ZCCHC24: variants seen among roughly 807,000 people sequenced by gnomAD.
ZCCHC24 encodes the protein zinc finger CCHC domain-containing protein 24.
A neutral mutation model predicts 26.2 loss-of-function variants in ZCCHC24; 10 were observed. That is an observed-to-expected ratio of 0.38 (90% confidence interval 0.24 to 0.65). The LOEUF (loss-of-function observed/expected upper bound fraction) is 0.65. Ranked by LOEUF, ZCCHC24 falls within the 30% of genes least tolerant of loss-of-function variation. The probability of loss-of-function intolerance (pLI) is 0.54; values close to 1 mark genes in which losing one functional copy is unlikely to be tolerated. For missense variants in ZCCHC24, 243 were observed against 329.1 expected, an observed-to-expected ratio of 0.74 and a Z score of 2.03; for synonymous variants, 144 against 147.1, an observed-to-expected ratio of 0.98 and a Z score of 0.15.
chr10:79,422,824 G>A (rs1021603931), intron 2 of ZCCHC24, among the ~76,000 whole-genome samples: 7 of 152,176 alleles, frequency 4.6e-5, no homozygotes, highest in African/African-American at 1.7e-4. Context: ...CTCCCTCAAA[G>A]GAGTAATGAG....
chr10:79,419,949 G>T (rs1032143604), intron 2 of ZCCHC24, among the ~76,000 whole-genome samples: 4 of 152,152 alleles, frequency 2.6e-5, no homozygotes, highest in African/African-American at 9.6e-5. Flanking sequence ...AGCAGAACTG[G>T]CAGCTGAGGA....
chr10:79,411,257 A>G (rs1043180357), intron 2 of ZCCHC24, among the ~76,000 whole-genome samples: 1 of 152,210 alleles, frequency 6.6e-6, no homozygotes. Context: ...TGGTAAAAAG[A>G]GGCCTTGACC....
intron 2 of ZCCHC24, among the ~76,000 whole-genome samples, chr10:79,403,058 C>T (rs1375330938): frequency 6.6e-6 from 1 of 152,244 alleles, no homozygotes; most frequent in Non-Finnish European, 1.5e-5. Context: ...CCAAAGAAGT[C>T]AGCCCTGTGA....
chr10:79,430,686 C>CACACACACACACACACA (rs370025190), intron 2 of ZCCHC24, among the ~76,000 whole-genome samples: 18 of 140,700 alleles, frequency 1.3e-4, no homozygotes, highest in African/African-American at 3.7e-4. Flanking sequence ...CACACACACA[C>CACACACACACACACACA]CACACACACA....
At chr10:79,429,410 C>T (rs1857095244) in intron 2 of ZCCHC24, among the ~76,000 whole-genome samples, 1 of 151,976 alleles carries the variant, frequency 6.6e-6, no homozygotes, top group Admixed American at 6.6e-5. Context: ...GGTGAAACCC[C>T]ATCTGTATTA....
chr10:79,427,406 A>G (rs777946707), intron 2 of ZCCHC24, among the ~76,000 whole-genome samples: 1 of 152,240 alleles, frequency 6.6e-6, no homozygotes, highest in Non-Finnish European at 1.5e-5. Flanking sequence ...AAGTGCACAC[A>G]AAACATTCTC....
chr10:79,445,582 C>G lies in ZCCHC24; in HGVS notation c.-142G>C. 1.4e-6 allele frequency: 1 copy of G among 722,584 alleles called. No individual in the cohort carries two copies. The allele number at this position is 722,584 out of a possible 1,614,324, so 44.8% of individuals were successfully genotyped here. A position where few individuals can be genotyped will look rare whatever the true frequency, so the allele number is the denominator to read the frequency against. On this transcript the variant is annotated 5_prime_UTR_variant, in exon 1 of 4. Transcript: ENST00000372336. ...ATCGCCCCGCGCCCTGCGCCCCGCGCGCTGCCCGCAGCCGCTGCCGCTGCC... is the reference window on the plus strand; with the variant it reads ...ATCGCCCCGCGCCCTGCGCCCCGCGGGCTGCCCGCAGCCGCTGCCGCTGCC...
At chr10:79,414,961 A>T (rs922370488) in intron 2 of ZCCHC24, among the ~76,000 whole-genome samples, 1 of 152,164 alleles carries the variant, frequency 6.6e-6, no homozygotes, top group Non-Finnish European at 1.5e-5. Context: ...CTCTTCATCA[A>T]TGTCAGGCCT....
intron 2 of ZCCHC24, among the ~76,000 whole-genome samples, chr10:79,423,776 G>A (rs1378863753): frequency 5.3e-5 from 8 of 150,354 alleles, no homozygotes; most frequent in Admixed American, 5.3e-4. Context: ...CCAGCATTTT[G>A]GGAGGCCAAG....
intron 2 of ZCCHC24, among the ~76,000 whole-genome samples, chr10:79,415,561 G>A (rs1431460064): frequency 6.6e-6 from 1 of 152,126 alleles, no homozygotes; most frequent in Non-Finnish European, 1.5e-5. Context: ...AGAATATCTG[G>A]TACAAATGCC....
intron 1 of ZCCHC24, among the ~76,000 whole-genome samples, chr10:79,437,351 C>G (rs1457351225): frequency 6.6e-6 from 1 of 152,202 alleles, no homozygotes; most frequent in Non-Finnish European, 1.5e-5. Flanking sequence ...CCGTGCTCGG[C>G]CTGTGGTTTA....
chr10:79,402,070 C>T (rs183985365), intron 2 of ZCCHC24, among the ~76,000 whole-genome samples: 49 of 152,326 alleles, frequency 3.2e-4, no homozygotes, highest in Middle Eastern at 3.4e-3. Context: ...CACGGACTCA[C>T]GACCCCAGCC....
At position 79,407,258 on chromosome 10, in the gene ZCCHC24, C is replaced by A. The variant is rs1444014020; in HGVS notation, c.448-12818G>T. 2.6e-5 allele frequency among the ~76,000 whole-genome samples: 4 copies of A among 152,216 alleles called. No homozygotes were observed. The South Asian group carries it at 8.3e-4, about 32-fold the overall frequency. ...CCAGGGAGCGCCTGTCCCAGAGGAG[C>A]ACTCGGTGGTGTGGGAGCCAGGCTG... is the stretch of plus-strand genomic sequence containing the variant. On this transcript the variant is annotated intron_variant, in intron 2 of 3. Transcript: ENST00000372336.
chr10:79,443,812 T>C (rs1857320212), intron 1 of ZCCHC24, among the ~76,000 whole-genome samples: 1 of 152,242 alleles, frequency 6.6e-6, no homozygotes. Context: ...CAAAGAGCTT[T>C]GGCATAGAAA....
rs561703395 is a variant in ZCCHC24 at position 79,435,212 on chromosome 10, T to A, written c.247-2454A>T. On this transcript the variant is annotated intron_variant, in intron 1 of 3. Transcript: ENST00000372336. ...TTTTTCTTCCTTTCTTTCTTTCTTT[T>A]TTTTTTATTTTTATTTTTTTTCCCC... Among the ~76,000 whole-genome samples the A allele has an allele frequency of 2.1e-4, 32 of 152,282 alleles. No homozygotes were observed. In the Middle Eastern group the frequency reaches 0.014, roughly 65 times the overall value.
intron 2 of ZCCHC24, among the ~76,000 whole-genome samples, chr10:79,426,467 C>G (rs1014632888): frequency 1.3e-5 from 2 of 152,176 alleles, no homozygotes; most frequent in African/African-American, 4.8e-5. Context: ...CGTCCAAGCA[C>G]TTCAACAGAC....
intron 1 of ZCCHC24, among the ~76,000 whole-genome samples, chr10:79,444,669 G>A (rs1857338075): frequency 6.6e-6 from 1 of 152,214 alleles, no homozygotes; most frequent in Non-Finnish European, 1.5e-5. Context: ...AAGCCCTCTG[G>A]GCAGTCACTG....
In ZCCHC24 at chr10:79,413,760, A is replaced by ATGTGTG. The variant is rs142243601; in HGVS notation, c.447+18792_447+18797dup. Among the ~76,000 whole-genome samples the ATGTGTG allele has an allele frequency of 5.9e-3, 858 of 144,568 alleles. 5 individuals carry two copies. The highest frequency in any genetic ancestry group is 0.014 in the Middle Eastern group (4 of 288). The allele number at this position is 144,568 out of a possible 152,430, so 94.8% of individuals were successfully genotyped here. A position where few individuals can be genotyped will look rare whatever the true frequency, so the allele number is the denominator to read the frequency against. Reference sequence around the variant, plus strand: ...GGAAAAAGGGTATATGTGCGTGCGCATGTGTGTGTGTGTGTGTGTGAGAGA... The same window carrying ATGTGTG: ...GGAAAAAGGGTATATGTGCGTGCGCATGTGTGTGTGTGTGTGTGTGTGTGTGAGAGA... On this transcript the variant is annotated intron_variant, in intron 2 of 3. Transcript: ENST00000372336.
intron 3 of ZCCHC24, among the ~76,000 whole-genome samples, chr10:79,388,459 C>T (rs1382621959): frequency 1.3e-5 from 2 of 152,242 alleles, no homozygotes; most frequent in Non-Finnish European, 2.9e-5. Flanking sequence ...ACTGCCTGCA[C>T]TGTAAGAAGA....
Sources: gnomAD v4.1 joint callset for allele counts (sites outside exome capture counted in the v4.1 genomes callset) on GRCh38, gnomAD v4.1.1 for gene constraint, MANE v1.5 for transcripts, NCBI Gene and HGNC (gene_info 2026-07-23, HGNC 2026-07-21) for gene names.